The following TYR variants were observed in gnomAD, a reference collection of about 807,000 sequenced individuals.
TYR encodes the protein LB24-AB.
In TYR, 58 loss-of-function variants were observed where a neutral mutation model predicts 51.5. That is an observed-to-expected ratio of 1.13 (90% confidence interval 0.91 to 1.40). TYR has a LOEUF of 1.40. Among genes scored for constraint, TYR ranks in the 40% most tolerant of loss-of-function variants. The probability of loss-of-function intolerance (pLI) is 0.00; values close to 1 mark genes in which losing one functional copy is unlikely to be tolerated. For missense variants in TYR, 732 were observed against 647.4 expected, an observed-to-expected ratio of 1.13 and a Z score of -1.42; for synonymous variants, 263 against 235.2, an observed-to-expected ratio of 1.12 and a Z score of -1.08.
At chr11:89,183,792 T>C (rs1483205604) in intron 1 of TYR, among the ~76,000 whole-genome samples, 3 of 152,130 alleles carry the variant, frequency 2.0e-5, no homozygotes, top group Admixed American at 2.0e-4. Context: ...TCAAACAGTG[T>C]TATACACCCA....
chr11:89,207,855 C>T (rs1943692504), intron 2 of TYR, among the ~76,000 whole-genome samples: 1 of 152,110 alleles, frequency 6.6e-6, no homozygotes, highest in Admixed American at 6.5e-5. Context: ...CTGTGATATT[C>T]TACTATATTA....
At chr11:89,282,832 G>T (rs1944734988) in intron 3 of TYR, among the ~76,000 whole-genome samples, 2 of 151,752 alleles carry the variant, frequency 1.3e-5, no homozygotes, top group Non-Finnish European at 2.9e-5. Flanking sequence ...AACAGCATAT[G>T]TTATGTCTCA....
At chr11:89,251,985 G>A (rs561768804) in intron 3 of TYR, among the ~76,000 whole-genome samples, 2 of 151,852 alleles carry the variant, frequency 1.3e-5, no homozygotes, top group African/African-American at 2.4e-5. Context: ...AAGTTGCGTC[G>A]CCTTCAGTTA....
chr11:89,194,139 G>T (rs893285908), intron 2 of TYR, among the ~76,000 whole-genome samples: 2 of 152,064 alleles, frequency 1.3e-5, no homozygotes, highest in Non-Finnish European at 2.9e-5. Flanking sequence ...ATAGCATTTA[G>T]TTTTCATGGT....
chr11:89,182,190 T>C (rs762106384), intron 1 of TYR, among the ~76,000 whole-genome samples: 1 of 152,236 alleles, frequency 6.6e-6, no homozygotes, highest in Non-Finnish European at 1.5e-5. Flanking sequence ...TGATCATTTC[T>C]AAATATTTTT....
intron 3 of TYR, among the ~76,000 whole-genome samples, chr11:89,270,049 C>T (rs1261210002): frequency 6.6e-6 from 1 of 152,030 alleles, no homozygotes; most frequent in African/African-American, 2.4e-5. Context: ...GGCTTAAAAT[C>T]CTCCAATGGC....
chr11:89,248,650 G>A (rs934757290), intron 3 of TYR, among the ~76,000 whole-genome samples: 2 of 152,198 alleles, frequency 1.3e-5, no homozygotes, highest in African/African-American at 4.8e-5. Context: ...CAGTATAGAG[G>A]AAAGAGTTTA....
Position 89,178,675 on chromosome 11 carries a change from C to A in TYR, c.722C>A (p.Ala241Glu), listed in dbSNP as rs1943261585. ...FTIPYWDWRD[A>E]EKCDICTDEY... ...ATTCCATATTGGGACTGGCGGGATG[C>A]AGAAAAGTGTGACATTTGCACAGAT... The change falls in exon 1 of 5, where the codon GCA becomes GAA. Residue 241 changes from alanine (A) to glutamate (E), a missense_variant. By Grantham distance (107) the Ala-to-Glu change is moderately radical (BLOSUM62 -1). Transcript: ENST00000263321. 1 of 1,613,480 alleles carries A rather than the reference C, an allele frequency of 6.2e-7. No homozygotes were observed. Among genetic ancestry groups the A allele is most frequent in the African/African-American group, 1.3e-5 (1 of 74,874 alleles).
chr11:89,292,636 A>G (rs746528947), intron 4 of TYR, among the ~76,000 whole-genome samples: 34 of 152,150 alleles, frequency 2.2e-4, no homozygotes, highest in Non-Finnish European at 3.8e-4. Flanking sequence ...TCAATATACA[A>G]TTGGATAACA....
intron 4 of TYR, among the ~76,000 whole-genome samples, chr11:89,287,897 T>C (rs3900053): frequency 0.31 from 46,977 of 151,726 alleles, 7,635 homozygotes; most frequent in African/African-American, 0.38. Flanking sequence ...CATGATTAAT[T>C]TGATATTATT....
intron 3 of TYR, among the ~76,000 whole-genome samples, chr11:89,232,410 G>A (rs1591171236): frequency 7.0e-6 from 1 of 143,518 alleles, no homozygotes; most frequent in Non-Finnish European, 1.5e-5. Context: ...CGTGGATGTA[G>A]CTGTAGGCCA....
chr11:89,254,187 G>A (rs1392724399), intron 3 of TYR, among the ~76,000 whole-genome samples: 5 of 151,672 alleles, frequency 3.3e-5, no homozygotes, highest in East Asian at 1.9e-4. Context: ...ACTTGATCAC[G>A]GTGGATTATC....
chr11:89,284,978 G>T, intron 4 of TYR, 24 bp downstream of exon 4: 2 of 1,594,866 alleles, frequency 1.3e-6, no homozygotes, highest in African/African-American at 1.3e-5. Context: ...TCTTTCAGAG[G>T]AATTGCTGAA....
intron 2 of TYR, among the ~76,000 whole-genome samples, chr11:89,219,662 A>C (rs1943882704): frequency 6.6e-6 from 1 of 152,162 alleles, no homozygotes; most frequent in Admixed American, 6.5e-5. Flanking sequence ...TCTAGTAAAA[A>C]AATTAAATTT....
intron 2 of TYR, among the ~76,000 whole-genome samples, chr11:89,202,192 T>A (rs79301407): frequency 5.9e-5 from 9 of 152,026 alleles, no homozygotes; most frequent in African/African-American, 2.2e-4. Flanking sequence ...CCCACACACT[T>A]ATTTTTGTGG....
At chr11:89,206,588 A>G (rs923004377) in intron 2 of TYR, among the ~76,000 whole-genome samples, 1 of 152,160 alleles carries the variant, frequency 6.6e-6, no homozygotes, top group East Asian at 1.9e-4. Flanking sequence ...TAGGCAAAAC[A>G]TCTGCAGTGA....
In TYR at chr11:89,191,334, G is replaced by A; in HGVS notation, c.952G>A (p.Val318Ile). Residue 318 changes from valine (V) to isoleucine (I), a missense_variant, in exon 2 of 5, where the codon GTA becomes ATA. Coordinates refer to ENST00000263321, the MANE Select transcript of TYR (RefSeq NM_000372.5). Reference sequence around the variant, plus strand: ...CCCAAGGCTCCCCTCTTCAGCTGATGTAGAATTTTGCCTGAGTTTGACCCA... The same window carrying A: ...CCCAAGGCTCCCCTCTTCAGCTGATATAGAATTTTGCCTGAGTTTGACCCA... ...RTPRLPSSAD[V>I]EFCLSLTQYE... The A allele has an allele frequency of 6.2e-7, 1 of 1,613,790 alleles. No homozygotes were observed.
intron 2 of TYR, among the ~76,000 whole-genome samples, chr11:89,202,550 C>T (rs1389097252): frequency 3.3e-5 from 5 of 151,158 alleles, no homozygotes; most frequent in Middle Eastern, 3.4e-3. Flanking sequence ...TTTACATATA[C>T]GCCAATTTGG....
At chr11:89,218,933 C>A (rs1359221801) in intron 2 of TYR, among the ~76,000 whole-genome samples, 1 of 152,288 alleles carries the variant, frequency 6.6e-6, no homozygotes, top group East Asian at 1.9e-4. Context: ...GGTTTAAATT[C>A]TAGTACTATC....
Sources: gnomAD v4.1 joint callset for allele counts (sites outside exome capture counted in the v4.1 genomes callset) on GRCh38, gnomAD v4.1.1 for gene constraint, MANE v1.5 for transcripts, NCBI Gene and HGNC (gene_info 2026-07-23, HGNC 2026-07-21) for gene names.